LARGE1: variants seen among roughly 807,000 people sequenced by gnomAD.
The protein encoded by LARGE1 is xylosyl- and glucuronyltransferase LARGE1.
A neutral mutation model predicts 87.6 loss-of-function variants in LARGE1; 43 were observed. That is an observed-to-expected ratio of 0.49 (90% confidence interval 0.38 to 0.63). The LOEUF is 0.63. LARGE1 is among the 30% of genes least tolerant of loss of function. The pLI is 0.00. For synonymous variants in LARGE1, 434 were observed against 394.6 expected (o/e 1.10, Z -1.18); for missense variants, 802 against 1,000.2 (o/e 0.80, Z 2.67).
chr22:33,890,880 A>G (rs1018650300), intron 1 of LARGE1, among the ~76,000 whole-genome samples: 5 of 152,096 alleles, frequency 3.3e-5, no homozygotes, highest in African/African-American at 1.2e-4. Context: ...ACAGAGACTC[A>G]AGTTTTCATG....
At position 33,519,788 on chromosome 22, in the gene LARGE1, C is replaced by T. The variant is rs147807402; in HGVS notation, c.787+45060G>A. ...TTCTTTGAGAGGCTGATCTACATGG[C>T]CACATCACCAGCCCACATTCTGTTT... On this transcript the variant is annotated intron_variant, in intron 6 of 14. Coordinates refer to ENST00000397394, the MANE Select transcript of LARGE1 (RefSeq NM_133642.5). 2.0e-4 allele frequency among the ~76,000 whole-genome samples: 30 copies of T among 152,186 alleles called. No homozygotes were observed. The East Asian group carries it at 5.6e-3, about 28-fold the overall frequency.
chr22:33,397,522 C>T (rs1241675340), intron 7 of LARGE1, among the ~76,000 whole-genome samples: 1 of 152,206 alleles, frequency 6.6e-6, no homozygotes, highest in African/African-American at 2.4e-5. Context: ...TTGTGAAATC[C>T]ATCCATCCCA....
At chr22:33,610,118 C>A (rs2079384927) in intron 4 of LARGE1, among the ~76,000 whole-genome samples, 1 of 152,080 alleles carries the variant, frequency 6.6e-6, no homozygotes, top group Admixed American at 6.5e-5. Flanking sequence ...GTGTTTATAG[C>A]AAGGCAAGAA....
intron 5 of LARGE1, among the ~76,000 whole-genome samples, chr22:33,571,498 T>C (rs996266541): frequency 2.6e-5 from 4 of 152,148 alleles, no homozygotes; most frequent in Admixed American, 1.3e-4. Flanking sequence ...TCAATGGTGA[T>C]GACACATTTC....
At chr22:33,891,338 A>C (rs988561126) in intron 1 of LARGE1, among the ~76,000 whole-genome samples, 3 of 152,224 alleles carry the variant, frequency 2.0e-5, no homozygotes, top group Admixed American at 1.3e-4. Context: ...GACATGGATG[A>C]AGCCATTATT....
At chr22:33,121,955 C>A in the LARGE1 span, among the ~76,000 whole-genome samples, 1 of 152,140 alleles carries the variant, frequency 6.6e-6, no homozygotes, top group African/African-American at 2.4e-5. Context: ...GAAAGACCCA[C>A]CCCCATGGTT....
In LARGE1 at chr22:33,920,030, GGAA is replaced by G. The variant is rs1188047078; in HGVS notation, c.-121_-119del. On this transcript the variant is annotated 5_prime_UTR_variant, in exon 1 of 15. Transcript: ENST00000397394. ...ACTGCCGCCAGGCAGAGGGAGACAC[GGAA>G]GAACAGGGTGGCGCGGCGGCGCCGC... is the stretch of plus-strand genomic sequence containing the variant. 4 of 152,378 alleles carry G rather than the reference GGAA, an allele frequency of 2.6e-5. No individual in the cohort carries two copies. The highest frequency in any genetic ancestry group is 4.4e-5 in the Non-Finnish European group (3 of 68,198). The allele number at this position is 152,378 out of a possible 1,614,324, so 9.4% of individuals were successfully genotyped here.
the LARGE1 span, among the ~76,000 whole-genome samples, chr22:33,067,215 G>A: frequency 6.6e-6 from 1 of 151,988 alleles, no homozygotes; most frequent in Admixed American, 6.6e-5. Context: ...ACCATAATCA[G>A]TGAAAGAAGG....
At chr22:33,857,649 C>T (rs556251011) in intron 1 of LARGE1, among the ~76,000 whole-genome samples, 26 of 152,248 alleles carry the variant, frequency 1.7e-4, no homozygotes, top group African/African-American at 6.3e-4. Flanking sequence ...AGAGATCTCG[C>T]CTTTGACACC....
chr22:33,492,852 C>T (rs539994611), intron 6 of LARGE1, among the ~76,000 whole-genome samples: 1 of 152,238 alleles, frequency 6.6e-6, no homozygotes, highest in South Asian at 2.1e-4. Context: ...GGGCTTTGAA[C>T]AGTATCTGAT....
chr22:33,259,343 CACACAA>C (rs761906320), intron 11 of LARGE1, among the ~76,000 whole-genome samples: 4 of 128,508 alleles, frequency 3.1e-5, no homozygotes, highest in Admixed American at 2.2e-4. Flanking sequence ...CACACACACA[CACACAA>C]ACACACACAT....
chr22:33,358,072 C>G (rs1432629342), intron 9 of LARGE1, among the ~76,000 whole-genome samples: 1 of 152,146 alleles, frequency 6.6e-6, no homozygotes, highest in Non-Finnish European at 1.5e-5. Flanking sequence ...GGGCAATAGT[C>G]CCAAAGGACA....
chr22:33,131,475 C>T, the LARGE1 span, among the ~76,000 whole-genome samples: 1 of 152,100 alleles, frequency 6.6e-6, no homozygotes, highest in African/African-American at 2.4e-5. Flanking sequence ...GAGACATACC[C>T]GAGACTGAGT....
At chr22:33,215,866 G>C (rs899749302) in intron 11 of LARGE1, among the ~76,000 whole-genome samples, 2 of 152,098 alleles carry the variant, frequency 1.3e-5, no homozygotes, top group South Asian at 2.1e-4. Flanking sequence ...TGAGGCAGGA[G>C]AATCAGTTGA....
chr22:33,445,457 C>T (rs536927775), intron 6 of LARGE1, among the ~76,000 whole-genome samples: 3 of 152,040 alleles, frequency 2.0e-5, no homozygotes, highest in East Asian at 1.9e-4. Flanking sequence ...TGAAGGAAAT[C>T]GGGAAGGGAG....
At chr22:33,499,956 T>A (rs1391483691) in intron 6 of LARGE1, among the ~76,000 whole-genome samples, 1 of 152,134 alleles carries the variant, frequency 6.6e-6, no homozygotes, top group African/African-American at 2.4e-5. Context: ...GTATTTTTAG[T>A]AGAGACGGGG....
At chr22:33,367,590 C>A (rs1295209672) in intron 9 of LARGE1, among the ~76,000 whole-genome samples, 1 of 152,096 alleles carries the variant, frequency 6.6e-6, no homozygotes, top group Middle Eastern at 3.4e-3. Context: ...CCCATCCCCC[C>A]ATTTATTTAT....
chr22:33,771,577 G>C (rs190538362), intron 1 of LARGE1, among the ~76,000 whole-genome samples: 24 of 152,040 alleles, frequency 1.6e-4, no homozygotes, highest in Non-Finnish European at 3.2e-4. Context: ...TTCAATGTGG[G>C]ATCCACACTT....
Position 33,650,395 on chromosome 22 carries a change from C to A in LARGE1, c.380G>T (p.Gly127Val). 6.2e-7 allele frequency: 1 copy of A among 1,614,126 alleles called. No individual in the cohort carries two copies. The highest frequency in any genetic ancestry group is 8.5e-7 in the Non-Finnish European group (1 of 1,180,048). Residue 127 changes from glycine (G) to valine (V), a missense_variant, in exon 3 of 15, where the codon GGG (glycine) becomes GTG (valine). By Grantham distance (109) the Gly-to-Val change is moderately radical. Around this residue, in one of 2 missense-constraint regions of LARGE1, gnomAD observed 625 missense variants for 841.9 expected, o/e 0.74. Coordinates refer to ENST00000397394, the MANE Select transcript of LARGE1 (RefSeq NM_133642.5). Reference sequence around the variant, plus strand: ...GCATTTCTCCACGACCGGCTGCTGCCCACACTCGGAGCTGTTGCCTGCCAC... The same window carrying A: ...GCATTTCTCCACGACCGGCTGCTGCACACACTCGGAGCTGTTGCCTGCCAC... ...GIVAGNSSEC[G>V]QQPVVEKCET...
Sources: allele counts gnomAD v4.1 joint callset (sites outside exome capture counted in the v4.1 genomes callset), GRCh38; gene constraint gnomAD v4.1.1; regional missense constraint gnomAD v4.1.1; transcripts MANE v1.5; gene names NCBI Gene and HGNC (gene_info 2026-07-23, HGNC 2026-07-21).